Variants in DCLK1 observed in about 807,000 individuals in gnomAD.
DCLK1 encodes doublecortin like kinase 1, also known as serine/threonine-protein kinase DCLK1.
DCLK1 carries 16 observed loss-of-function variants against 86.2 expected under a neutral mutation model. The observed-to-expected ratio is 0.19, with a 90% CI of 0.13 to 0.28. The LOEUF is 0.28. Among genes scored for constraint, DCLK1 ranks in the 10% least tolerant of loss-of-function variants. DCLK1 has a pLI of 1.00. For missense variants in DCLK1, 590 were observed against 940.2 expected (o/e 0.63, Z 4.87); for synonymous variants, 369 against 370.5 (o/e 1.00, Z 0.05).
chr13:35,824,416 G>C (rs1194945177), intron 10 of DCLK1, among the ~76,000 whole-genome samples: 2 of 152,166 alleles, frequency 1.3e-5, no homozygotes, highest in African/African-American at 4.8e-5. Context: ...CTGGCCTCAA[G>C]TGATCTTCCT....
chr13:36,096,264 T>C (rs1267030109), intron 3 of DCLK1, among the ~76,000 whole-genome samples: 1 of 152,204 alleles, frequency 6.6e-6, no homozygotes, highest in Non-Finnish European at 1.5e-5. Context: ...CAGCTTTTCT[T>C]TCCCATCTTG....
chr13:35,925,654 C>T (rs1312829321), intron 4 of DCLK1, among the ~76,000 whole-genome samples: 1 of 152,132 alleles, frequency 6.6e-6, no homozygotes, highest in Non-Finnish European at 1.5e-5. Context: ...TTTTGATAAA[C>T]AGCATATTAT....
At chr13:35,855,536 G>T in intron 5 of DCLK1, 2 of 1,606,618 alleles carry the variant, frequency 1.2e-6, no homozygotes, top group Non-Finnish European at 1.7e-6. Flanking sequence ...CATGGACACA[G>T]TCTTAGTGTT....
intron 7 of DCLK1, among the ~76,000 whole-genome samples, chr13:35,837,988 C>A (rs1018715522): frequency 6.7e-6 from 1 of 149,550 alleles, no homozygotes; most frequent in African/African-American, 2.5e-5. Flanking sequence ...ATTGCTTGAA[C>A]CTGGGAGGTG....
intron 3 of DCLK1, among the ~76,000 whole-genome samples, chr13:36,020,889 C>T (rs1485620217): frequency 1.3e-5 from 2 of 152,126 alleles, no homozygotes; most frequent in Non-Finnish European, 2.9e-5. Flanking sequence ...TGAAAGGACA[C>T]AAGACATTAA....
chr13:35,900,757 G>GAT (rs1874304546), intron 4 of DCLK1, among the ~76,000 whole-genome samples: 1 of 152,138 alleles, frequency 6.6e-6, no homozygotes, highest in African/African-American at 2.4e-5. Flanking sequence ...CCTCGGCTGT[G>GAT]ATAACCAAAA....
intron 3 of DCLK1, among the ~76,000 whole-genome samples, chr13:36,100,204 AAAAAAAAAACC>A (rs1885163025): frequency 1.0e-5 from 1 of 95,258 alleles, no homozygotes. Flanking sequence ...AAAAAAAAAA[AAAAAAAAAACC>A]ACACACACAC....
chr13:36,071,963 T>C (rs1270079531), intron 3 of DCLK1, among the ~76,000 whole-genome samples: 1 of 152,182 alleles, frequency 6.6e-6, no homozygotes, highest in African/African-American at 2.4e-5. Flanking sequence ...GCCAAAGAAA[T>C]TAAAATCTAA....
rs2087131583 is a variant in DCLK1, at chr13:35,811,093, T to C, written c.1555-125A>G. ...AGGTAAAAAATAAATTAGGCAATTA[T>C]GCAAGAATGGATATACATACAAAAT... On this transcript the variant is annotated intron_variant, in intron 11 of 16. Transcript: ENST00000360631. 8 of 1,190,808 alleles carry C rather than the reference T, an allele frequency of 6.7e-6. No individual in the cohort carries two copies. The East Asian group carries it at 1.5e-4, about 22-fold the overall frequency. The allele number at this position is 1,190,808 out of a possible 1,614,324, so 73.8% of individuals were successfully genotyped here. A position where few individuals can be genotyped will look rare whatever the true frequency, so the allele number is the denominator to read the frequency against.
At chr13:35,990,096 T>C (rs1486081509) in intron 3 of DCLK1, among the ~76,000 whole-genome samples, 2 of 152,166 alleles carry the variant, frequency 1.3e-5, no homozygotes, top group South Asian at 2.1e-4. Flanking sequence ...GTAAAAAGCA[T>C]AGAAAATATA....
chr13:36,090,308 A>G (rs943620439), intron 3 of DCLK1, among the ~76,000 whole-genome samples: 4 of 152,250 alleles, frequency 2.6e-5, no homozygotes, highest in African/African-American at 9.6e-5. Context: ...ATTCACAGGC[A>G]TATTTTCAAA....
intron 3 of DCLK1, among the ~76,000 whole-genome samples, chr13:36,108,916 T>C (rs994399071): frequency 5.3e-5 from 8 of 152,212 alleles, no homozygotes; most frequent in Non-Finnish European, 5.9e-5. Context: ...CACCCCACTA[T>C]GGCCAAGCGT....
chr13:35,954,841 TA>T (rs201310630), intron 3 of DCLK1, among the ~76,000 whole-genome samples: 6 of 151,900 alleles, frequency 3.9e-5, no homozygotes, highest in Admixed American at 1.3e-4. Context: ...GACTTTTTTT[TA>T]AAAAAAATGG....
intron 4 of DCLK1, among the ~76,000 whole-genome samples, chr13:35,908,213 T>G (rs1244983630): frequency 1.3e-5 from 2 of 152,318 alleles, no homozygotes; most frequent in Admixed American, 1.3e-4. Flanking sequence ...AAACTTTTAG[T>G]ATACTAAAAT....
intron 3 of DCLK1, among the ~76,000 whole-genome samples, chr13:36,086,841 G>A (rs1158773654): frequency 6.6e-6 from 1 of 152,176 alleles, no homozygotes; most frequent in African/African-American, 2.4e-5. Flanking sequence ...TGGTGTATAT[G>A]TGCCACATTT....
intron 8 of DCLK1, among the ~76,000 whole-genome samples, chr13:35,834,357 C>T (rs529762666): frequency 1.3e-5 from 2 of 152,286 alleles, no homozygotes; most frequent in African/African-American, 4.8e-5. Context: ...TTTGGCTCAG[C>T]TAAGCCAGAG....
intron 4 of DCLK1, among the ~76,000 whole-genome samples, chr13:35,879,875 C>T (rs1270923764): frequency 6.6e-6 from 1 of 152,124 alleles, no homozygotes; most frequent in East Asian, 1.9e-4. Flanking sequence ...ATGCCAGTGC[C>T]ACTAGATGCC....
intron 3 of DCLK1, among the ~76,000 whole-genome samples, chr13:36,017,482 C>T (rs1030698354): frequency 3.3e-5 from 5 of 152,190 alleles, no homozygotes; most frequent in African/African-American, 1.2e-4. Flanking sequence ...TTAACCAACA[C>T]ATCTATAAAA....
At chr13:35,985,207 G>A (rs1349919292) in intron 3 of DCLK1, among the ~76,000 whole-genome samples, 1 of 152,084 alleles carries the variant, frequency 6.6e-6, no homozygotes, top group Non-Finnish European at 1.5e-5. Context: ...CTTCTCCACT[G>A]TTGTTTCTAA....
Sources: gnomAD v4.1 joint callset for allele counts (sites outside exome capture counted in the v4.1 genomes callset) on GRCh38, gnomAD v4.1.1 for gene constraint, MANE v1.5 for transcripts, NCBI Gene and HGNC (gene_info 2026-07-23, HGNC 2026-07-21) for gene names.